The following CDH11 variants were observed in gnomAD, a reference collection of about 807,000 sequenced individuals.
The protein encoded by CDH11 is cadherin-11.
CDH11 carries 11 observed loss-of-function variants against 67.8 expected under a neutral mutation model. The observed-to-expected ratio is 0.16, with a 90% CI of 0.10 to 0.27. The LOEUF is 0.27. Among genes scored for constraint, CDH11 ranks in the 10% least tolerant of loss-of-function variants. The pLI, the probability that CDH11 is intolerant of heterozygous loss-of-function variation, is 1.00. For synonymous variants in CDH11, 419 were observed against 400.0 expected, an observed-to-expected ratio of 1.05 and a Z score of -0.57; for missense variants, 847 against 1,031.2, an observed-to-expected ratio of 0.82 and a Z score of 2.45.
At chr16:65,097,720 A>G (rs2074924054) in intron 1 of CDH11, among the ~76,000 whole-genome samples, 1 of 152,228 alleles carries the variant, frequency 6.6e-6, no homozygotes, top group Non-Finnish European at 1.5e-5. Context: ...ACACCCCTGT[A>G]ATCAGTCCTA....
At chr16:64,960,547 T>C (rs1191372168) in intron 11 of CDH11, among the ~76,000 whole-genome samples, 2 of 151,982 alleles carry the variant, frequency 1.3e-5, no homozygotes, top group Non-Finnish European at 2.9e-5. Flanking sequence ...TGTTCTGAGA[T>C]GTTAGGCCAG....
In CDH11 at chr16:64,947,565, C is replaced by T. The variant is rs1157077374; in HGVS notation, c.*38G>A. ...ACATCTTCTAGATTCTTGAGAACGCCAGACACAGTTCTTAAGGCCAAATTT... is the reference window on the plus strand; with the variant it reads ...ACATCTTCTAGATTCTTGAGAACGCTAGACACAGTTCTTAAGGCCAAATTT... On this transcript the variant is annotated 3_prime_UTR_variant, in exon 13 of 13. Coordinates refer to ENST00000268603, the MANE Select transcript of CDH11 (RefSeq NM_001797.4). 6.3e-7 allele frequency: 1 copy of T among 1,575,278 alleles called. No homozygotes were observed. The highest frequency in any genetic ancestry group is 1.8e-5 in the Admixed American group (1 of 54,964).
chr16:65,058,184 G>A (rs546529502), intron 1 of CDH11, among the ~76,000 whole-genome samples: 9 of 152,102 alleles, frequency 5.9e-5, no homozygotes, highest in African/African-American at 1.9e-4. Flanking sequence ...ATAGCGCCAC[G>A]GTACTCCAGC....
intron 2 of CDH11, among the ~76,000 whole-genome samples, chr16:65,020,261 C>G (rs576326829): frequency 9.2e-5 from 14 of 152,282 alleles, no homozygotes; most frequent in African/African-American, 3.1e-4. Flanking sequence ...GTTTAGTAAA[C>G]ATAGTATCTG....
chr16:64,943,906 C>T lies in CDH11; in HGVS notation c.*3697G>A, dbSNP rs1396688134. 4.4e-6 allele frequency: 1 copy of T among 229,690 alleles called. No homozygotes were observed. Among genetic ancestry groups the T allele is most frequent in the Non-Finnish European group, 8.6e-6 (1 of 115,932 alleles). 14.2% of individuals were successfully genotyped at this position (229,690 alleles called of 1,614,324 possible). The stretch of plus-strand genomic sequence containing the variant: ...GCAGTCAGTCCCACCCACCCACACA[C>T]ATACATAAAGCCAAAAAGCAAAATA... On this transcript the variant is annotated 3_prime_UTR_variant, in exon 13 of 13. Coordinates refer to ENST00000268603, the MANE Select transcript of CDH11 (RefSeq NM_001797.4).
At chr16:64,975,940 AT>A (rs1363870229) in intron 8 of CDH11, among the ~76,000 whole-genome samples, 4 of 152,350 alleles carry the variant, frequency 2.6e-5, no homozygotes, top group East Asian at 1.9e-4. Flanking sequence ...AATTAAGGAT[AT>A]GTCAAAATGC....
chr16:64,987,078 G>T (rs1295589638), intron 7 of CDH11: 1 of 152,146 alleles, frequency 6.6e-6, no homozygotes, highest in African/African-American at 2.4e-5. Flanking sequence ...AAACTAAGTT[G>T]AAAATGAACG....
At chr16:65,022,875 C>A (rs892444580) in intron 2 of CDH11, among the ~76,000 whole-genome samples, 14 of 152,294 alleles carry the variant, frequency 9.2e-5, no homozygotes, top group African/African-American at 3.1e-4. Context: ...AGGCACAAGA[C>A]CTAACGCAAT....
At chr16:64,986,650 A>G (rs1339654644) in intron 7 of CDH11, 1 of 152,088 alleles carries the variant, frequency 6.6e-6, no homozygotes, top group Non-Finnish European at 1.5e-5. Context: ...TTTCCAGAGG[A>G]GAAACCAGAA....
At chr16:65,075,544 T>A (rs1424360292) in intron 1 of CDH11, among the ~76,000 whole-genome samples, 1 of 152,310 alleles carries the variant, frequency 6.6e-6, no homozygotes, top group East Asian at 1.9e-4. Context: ...CCATTAGGGA[T>A]TTCTCTGTCT....
chr16:65,091,710 C>A (rs2083049693), intron 1 of CDH11, among the ~76,000 whole-genome samples: 1 of 152,002 alleles, frequency 6.6e-6, no homozygotes, highest in Non-Finnish European at 1.5e-5. Flanking sequence ...CACCACCACG[C>A]CCGGCTAATT....
chr16:65,026,948 C>G (rs2073545838), intron 2 of CDH11, among the ~76,000 whole-genome samples: 1 of 152,186 alleles, frequency 6.6e-6, no homozygotes, highest in South Asian at 2.1e-4. Context: ...TAAATGGACC[C>G]AGCTCAACAG....
intron 1 of CDH11, among the ~76,000 whole-genome samples, chr16:65,093,860 C>T (rs1488464950): frequency 6.6e-6 from 1 of 152,062 alleles, no homozygotes; most frequent in East Asian, 1.9e-4. Flanking sequence ...AATATGAAAG[C>T]AAAATTAATT....
chr16:65,099,655 G>A (rs2074956904), intron 1 of CDH11, among the ~76,000 whole-genome samples: 2 of 152,120 alleles, frequency 1.3e-5, no homozygotes, highest in Non-Finnish European at 2.9e-5. Context: ...CACTTGATTA[G>A]ACCCAGAAAA....
intron 2 of CDH11, among the ~76,000 whole-genome samples, chr16:65,023,634 G>A (rs1388518947): frequency 1.3e-5 from 2 of 152,164 alleles, no homozygotes; most frequent in Non-Finnish European, 2.9e-5. Flanking sequence ...CTAGACAAAG[G>A]TTTTCTAGGA....
At chr16:64,955,105 G>A (rs186962460) in intron 11 of CDH11, among the ~76,000 whole-genome samples, 18 of 152,194 alleles carry the variant, frequency 1.2e-4, no homozygotes, top group African/African-American at 3.9e-4. Flanking sequence ...AATTAGCTGG[G>A]CTTGGTGGTG....
chr16:65,000,970 A>C (rs1236964030), intron 3 of CDH11, among the ~76,000 whole-genome samples: 1 of 151,886 alleles, frequency 6.6e-6, no homozygotes, highest in African/African-American at 2.4e-5. Flanking sequence ...TATTATTATG[A>C]GACTAAGGCC....
intron 1 of CDH11, among the ~76,000 whole-genome samples, chr16:65,081,377 G>C (rs890962262): frequency 1.3e-5 from 2 of 152,086 alleles, no homozygotes; most frequent in Admixed American, 1.3e-4. Context: ...GACCATCCTG[G>C]CTAACATGGT....
chr16:64,955,457 G>A (rs1032253965), intron 11 of CDH11, among the ~76,000 whole-genome samples: 1 of 151,788 alleles, frequency 6.6e-6, no homozygotes, highest in East Asian at 1.9e-4. Flanking sequence ...AATCCACTAG[G>A]GGTTGGTATG....
Sources: gnomAD v4.1 joint callset for allele counts (sites outside exome capture counted in the v4.1 genomes callset) on GRCh38, gnomAD v4.1.1 for gene constraint, MANE v1.5 for transcripts, NCBI Gene and HGNC (gene_info 2026-07-23, HGNC 2026-07-21) for gene names.